The following AMN1 variants were observed in gnomAD, a reference collection of about 807,000 sequenced individuals.
AMN1 encodes antagonist of mitotic exit network 1 homolog.
Under a neutral mutation model 33.0 loss-of-function variants are expected in AMN1, and 20 were observed. The ratio of observed to expected loss-of-function variants is 0.61; its 90% CI spans 0.43 to 0.88. The LOEUF (loss-of-function observed/expected upper bound fraction) is 0.88. AMN1 is among the 40% of genes least tolerant of loss of function. The probability of loss-of-function intolerance (pLI) is 0.00; values close to 1 mark genes in which losing one functional copy is unlikely to be tolerated. For synonymous variants in AMN1, 114 were observed against 111.9 expected (o/e 1.02, Z -0.12); for missense variants, 246 against 307.4 (o/e 0.80, Z 1.49).
At chr12:31,689,167 A>G (rs1938396988) in intron 5 of AMN1, 49 bp from the exon 6 acceptor site, 2 of 1,266,072 alleles carry the variant, frequency 1.6e-6, no homozygotes, top group Admixed American at 2.1e-5. Context: ...AAGATCTATA[A>G]TAACAGTATG....
chr12:31,693,002 C>T lies in AMN1; in HGVS notation c.592-3884G>A, dbSNP rs78104139. ...CAATGATCAACAGAGATTTCAGAAA[C>T]GATCATGATATTTGCTAAATGCTGT... On this transcript the variant is annotated intron_variant, in intron 5 of 6. Transcript: ENST00000281471. 8.4e-3 allele frequency among the ~76,000 whole-genome samples: 1,277 copies of T among 152,186 alleles called. 18 individuals carry two copies. The highest frequency in any genetic ancestry group is 0.029 in the African/African-American group (1,201 of 41,522).
intron 3 of AMN1, among the ~76,000 whole-genome samples, chr12:31,701,283 GCC>G (rs1938988422): frequency 6.6e-6 from 1 of 152,070 alleles, no homozygotes; most frequent in Non-Finnish European, 1.5e-5. Flanking sequence ...ACAGGCATGA[GCC>G]ACCGCACCTG....
At chr12:31,725,697 A>C (rs1940035037) in intron 1 of AMN1, among the ~76,000 whole-genome samples, 1 of 151,918 alleles carries the variant, frequency 6.6e-6, no homozygotes, top group Admixed American at 6.6e-5. Context: ...TTGTGTATTT[A>C]TGTATTTATT....
At chr12:31,680,350 G>A (rs552886015) in intron 6 of AMN1, among the ~76,000 whole-genome samples, 15 of 151,756 alleles carry the variant, frequency 9.9e-5, no homozygotes, top group Admixed American at 2.6e-4. Context: ...ATAGGCACCC[G>A]TCACCACGCC....
chr12:31,693,415 G>A (rs796683078), intron 5 of AMN1, among the ~76,000 whole-genome samples: 12 of 152,118 alleles, frequency 7.9e-5, no homozygotes, highest in African/African-American at 2.9e-4. Flanking sequence ...TAGTAGAGAT[G>A]AGGTTTCTCC....
At chr12:31,696,012 G>A (rs1430776450) in intron 5 of AMN1, among the ~76,000 whole-genome samples, 2 of 151,746 alleles carry the variant, frequency 1.3e-5, no homozygotes, top group Admixed American at 6.6e-5. Context: ...GGAGGTCGAG[G>A]GGGGCGGATC....
chr12:31,673,252 C>T (rs1463496768), intron 6 of AMN1: 2 of 142,114 alleles, frequency 1.4e-5, no homozygotes, highest in African/African-American at 2.6e-5. Flanking sequence ...TTTCACAGAC[C>T]AGTAGAAAAA....
chr12:31,692,243 G>C (rs1214602206), intron 5 of AMN1, among the ~76,000 whole-genome samples: 1 of 151,728 alleles, frequency 6.6e-6, no homozygotes, highest in Non-Finnish European at 1.5e-5. Flanking sequence ...GATCACCTGA[G>C]GTCAGGAGTT....
chr12:31,697,573 A>C (rs1216402787), intron 4 of AMN1, among the ~76,000 whole-genome samples, 156 bp from the exon 5 acceptor site: 1 of 152,246 alleles, frequency 6.6e-6, no homozygotes, highest in Non-Finnish European at 1.5e-5. Context: ...TACTTAATTG[A>C]GAGGAATATG....
chr12:31,705,892 T>C (rs1939214693), intron 2 of AMN1, among the ~76,000 whole-genome samples: 1 of 152,190 alleles, frequency 6.6e-6, no homozygotes, highest in South Asian at 2.1e-4. Flanking sequence ...ACCTTGGTGC[T>C]GTCAATCAGC....
chr12:31,719,885 A>T (rs1939817224), intron 1 of AMN1, among the ~76,000 whole-genome samples: 1 of 152,204 alleles, frequency 6.6e-6, no homozygotes, highest in African/African-American at 2.4e-5. Context: ...GAATTACAAT[A>T]TAGTTATACA....
At chr12:31,677,588 A>C (rs949516196) in intron 6 of AMN1, among the ~76,000 whole-genome samples, 6 of 152,206 alleles carry the variant, frequency 3.9e-5, no homozygotes, top group African/African-American at 1.4e-4. Flanking sequence ...GGAGTTGTAT[A>C]GATGACCTTG....
At chr12:31,691,132 C>T (rs550032312) in intron 5 of AMN1, among the ~76,000 whole-genome samples, 4 of 79,782 alleles carry the variant, frequency 5.0e-5, no homozygotes, top group Admixed American at 1.2e-4. Flanking sequence ...AGCAAGACTC[C>T]GTCTCAAAAA....
intron 1 of AMN1, among the ~76,000 whole-genome samples, chr12:31,716,548 T>C (rs188904389): frequency 4.2e-4 from 64 of 152,324 alleles, no homozygotes; most frequent in African/African-American, 1.5e-3. Context: ...TTTTAGTGGG[T>C]ATATAATAGC....
chr12:31,693,507 G>A (rs1162436443), intron 5 of AMN1, among the ~76,000 whole-genome samples: 3 of 150,984 alleles, frequency 2.0e-5, no homozygotes, highest in Non-Finnish European at 4.4e-5. Flanking sequence ...GATTACAGGC[G>A]TAAGCCACCA....
At chr12:31,709,904 T>C (rs1224691993) in intron 1 of AMN1, among the ~76,000 whole-genome samples, 1 of 152,216 alleles carries the variant, frequency 6.6e-6, no homozygotes, top group African/African-American at 2.4e-5. Flanking sequence ...ACCTAGTCTG[T>C]GTTAAATTAC....
intron 1 of AMN1, among the ~76,000 whole-genome samples, chr12:31,710,917 A>C (rs1939441646): frequency 1.3e-5 from 2 of 151,840 alleles, no homozygotes; most frequent in Admixed American, 1.3e-4. Context: ...TGGCTAGTTT[A>C]TTTATTTTTT....
At position 31,722,946 on chromosome 12, in the gene AMN1, C is replaced by T. The variant is rs185997907; in HGVS notation, c.38+6025G>A. Among the ~76,000 whole-genome samples, 305 of 152,238 alleles carry T rather than the reference C, an allele frequency of 2.0e-3. 2 individuals are homozygous for T. The highest frequency in any genetic ancestry group is 3.4e-3 in the Middle Eastern group (1 of 294). On this transcript the variant is annotated intron_variant, in intron 1 of 6. Coordinates refer to ENST00000281471, the MANE Select transcript of AMN1 (RefSeq NM_001113402.2). ...CTGAGGCAAGCAGATCACCTGAAGT[C>T]AGGAGCTCAAGACCAGGCTGGCCAA...
intron 6 of AMN1, among the ~76,000 whole-genome samples, chr12:31,685,621 T>C (rs1374944545): frequency 6.6e-6 from 1 of 151,804 alleles, no homozygotes; most frequent in African/African-American, 2.4e-5. Flanking sequence ...GCCAACATGG[T>C]GAAACACCAT....
Sources: gnomAD v4.1 joint callset for allele counts (sites outside exome capture counted in the v4.1 genomes callset) on GRCh38, gnomAD v4.1.1 for gene constraint, MANE v1.5 for transcripts, NCBI Gene and HGNC (gene_info 2026-07-23, HGNC 2026-07-21) for gene names.